Variants in KCTD1 observed in about 807,000 individuals in gnomAD.
KCTD1 encodes the protein potassium channel tetramerization domain containing 1, also known as BTB/POZ domain-containing protein KCTD1.
Under a neutral mutation model 66.0 loss-of-function variants are expected in KCTD1, and 24 were observed. That is an observed-to-expected ratio of 0.36 (90% CI 0.26 to 0.51). The LOEUF (loss-of-function observed/expected upper bound fraction) is 0.51, where lower values mean the gene tolerates loss of function less well. Ranked by LOEUF, KCTD1 falls within the 20% of genes least tolerant of loss-of-function variation. KCTD1 has a pLI of 0.95. For synonymous variants in KCTD1, 511 were observed against 517.2 expected, an observed-to-expected ratio of 0.99 and a Z score of 0.16; for missense variants, 943 against 1,205.2, an observed-to-expected ratio of 0.78 and a Z score of 3.22.
At chr18:26,591,116 C>T (rs1986592337) in intron 1 of KCTD1, among the ~76,000 whole-genome samples, 1 of 152,038 alleles carries the variant, frequency 6.6e-6, no homozygotes, top group African/African-American at 2.4e-5. Context: ...AGCTTGAACT[C>T]CTGGCCTCAA....
At position 26,636,738 on chromosome 18, in the gene KCTD1, C is replaced by T. The variant is rs1050954255; in HGVS notation, c.-107+3573G>A. On this transcript the variant is annotated intron_variant, in intron 1 of 5. Coordinates refer to the KCTD1 transcript ENST00000579973. Reference sequence around the variant, plus strand: ...CACCTCTTCCAGGAGGGCAGCCTGGCGAGCGGCTTGAGCTGCCAGAATGGT... The same window carrying T: ...CACCTCTTCCAGGAGGGCAGCCTGGTGAGCGGCTTGAGCTGCCAGAATGGT... Among the ~76,000 whole-genome samples the T allele has an allele frequency of 3.3e-5, 5 of 152,308 alleles. No homozygotes were observed. In the East Asian group the frequency reaches 5.8e-4, roughly 18 times the overall value.
At chr18:26,599,447 G>T in intron 1 of KCTD1, 1 of 1,611,848 alleles carries the variant, frequency 6.2e-7, no homozygotes, top group Non-Finnish European at 8.5e-7. Flanking sequence ...TTGTGGCAGT[G>T]GTCTGGGATA....
At chr18:26,558,039 G>C (rs1985749651) in intron 1 of KCTD1, among the ~76,000 whole-genome samples, 1 of 152,244 alleles carries the variant, frequency 6.6e-6, no homozygotes, top group Non-Finnish European at 1.5e-5. Context: ...ACTCCAGAGA[G>C]TTCTGGAGAG....
chr18:26,475,094 A>C (rs927010452), intron 3 of KCTD1, among the ~76,000 whole-genome samples: 3 of 152,094 alleles, frequency 2.0e-5, no homozygotes, highest in African/African-American at 7.2e-5. Flanking sequence ...ATTCTTCTCC[A>C]TTGATTTGTA....
intron 1 of KCTD1, among the ~76,000 whole-genome samples, chr18:26,618,583 C>T (rs1043751214): frequency 1.3e-5 from 2 of 152,150 alleles, no homozygotes; most frequent in African/African-American, 4.8e-5. Flanking sequence ...GACCTTAAGG[C>T]AAGACTGTTT....
chr18:26,578,120 G>A (rs1370141975), intron 1 of KCTD1, among the ~76,000 whole-genome samples: 9 of 137,662 alleles, frequency 6.5e-5, no homozygotes, highest in South Asian at 2.3e-4. Context: ...GCAGTGCTCC[G>A]ATCTCGGCTC....
intron 1 of KCTD1, among the ~76,000 whole-genome samples, chr18:26,574,896 AC>A (rs1986189442): frequency 6.6e-6 from 1 of 152,252 alleles, no homozygotes; most frequent in African/African-American, 2.4e-5. Context: ...AGGACAAGCA[AC>A]CCTCAATTAT....
At chr18:26,505,239 C>T (rs1053745216) in intron 1 of KCTD1, among the ~76,000 whole-genome samples, 5 of 152,378 alleles carry the variant, frequency 3.3e-5, no homozygotes, top group East Asian at 3.9e-4. Context: ...CGTTCATCAT[C>T]GTCCTCAACT....
intron 1 of KCTD1, among the ~76,000 whole-genome samples, chr18:26,577,981 C>T (rs1041945526): frequency 6.6e-6 from 1 of 151,806 alleles, no homozygotes; most frequent in Non-Finnish European, 1.5e-5. Flanking sequence ...ATGATTATTT[C>T]TGGGCCATCA....
rs201880718 is a variant in KCTD1, at chr18:26,455,836, C to G, written c.2505G>C (p.Ser835=). ...GAAGGACGTATTCGCTGAACTGGGA[C>G]GAGTCTACTCCTCCCCCACAGGAGC... ...IVGSCGGGVD[S]SQFSEYVLRR... is the part of the protein sequence containing the mutation. The change falls in exon 5 of 5, where the codon TCG becomes TCC. Residue 835 remains serine, a synonymous_variant. Coordinates refer to ENST00000580059, the MANE Select transcript of KCTD1 (RefSeq NM_001142730.3). The G allele has an allele frequency of 2.8e-4, 460 of 1,614,132 alleles. 2 individuals are homozygous for G. Among genetic ancestry groups the G allele is most frequent in the Non-Finnish European group, 3.6e-4 (430 of 1,179,976 alleles).
At chr18:26,530,171 C>T (rs1021224960) in intron 1 of KCTD1, among the ~76,000 whole-genome samples, 32 of 152,314 alleles carry the variant, frequency 2.1e-4, no homozygotes, top group Admixed American at 6.5e-4. Flanking sequence ...CTTTTCTCTA[C>T]ACCCAAATTT....
chr18:26,570,030 G>C lies in KCTD1; in HGVS notation c.-16+59117C>G, dbSNP rs1025821897. On this transcript the variant is annotated intron_variant, in intron 1 of 4. Transcript: ENST00000317932. ...GGTGAAACCCTGTCTCTACTAAAAA[G>C]ACAAAATTAGCTGGGCATGGTGGCA... Among the ~76,000 whole-genome samples, 6 of 151,794 alleles carry C rather than the reference G, an allele frequency of 4.0e-5. No individual in the cohort carries two copies. The East Asian group carries it at 1.2e-3, about 29-fold the overall frequency.
chr18:26,506,357 G>A (rs1048253701), intron 1 of KCTD1, among the ~76,000 whole-genome samples: 3 of 152,184 alleles, frequency 2.0e-5, no homozygotes, highest in African/African-American at 7.2e-5. Context: ...TATGGCAGCT[G>A]ATGGAGAGGA....
intron 1 of KCTD1, among the ~76,000 whole-genome samples, chr18:26,509,224 G>A (rs1301804021): frequency 6.6e-6 from 1 of 151,162 alleles, no homozygotes; most frequent in Non-Finnish European, 1.5e-5. Context: ...AATTTATTTA[G>A]AGAACAGTTT....
At chr18:26,606,489 G>A (rs1045286792) in intron 1 of KCTD1, among the ~76,000 whole-genome samples, 3 of 152,198 alleles carry the variant, frequency 2.0e-5, no homozygotes, top group East Asian at 3.8e-4. Flanking sequence ...GGCTGGCCTC[G>A]TGACTTGCTG....
chr18:26,473,717 T>C (rs1981194852), intron 3 of KCTD1, among the ~76,000 whole-genome samples: 1 of 152,128 alleles, frequency 6.6e-6, no homozygotes, highest in Non-Finnish European at 1.5e-5. Flanking sequence ...CTTCAAACCC[T>C]GGAATCAAGC....
intron 1 of KCTD1, among the ~76,000 whole-genome samples, chr18:26,506,936 C>T (rs1267379973): frequency 2.0e-5 from 3 of 152,170 alleles, no homozygotes; most frequent in Middle Eastern, 3.2e-3. Flanking sequence ...GAGGCCGAGG[C>T]GGGCAGATCA....
chr18:26,643,819 G>T (rs189882728), upstream of KCTD1, among the ~76,000 whole-genome samples: 32 of 152,210 alleles, frequency 2.1e-4, no homozygotes, highest in Admixed American at 1.9e-3. Flanking sequence ...AAAATTAGCC[G>T]GGCTTGGTGG....
chr18:26,514,958 T>C (rs1485071646), intron 1 of KCTD1, among the ~76,000 whole-genome samples: 4 of 152,328 alleles, frequency 2.6e-5, no homozygotes, highest in South Asian at 4.1e-4. Context: ...GAAGCAGGCA[T>C]TTGAATGAGC....
Sources: allele counts gnomAD v4.1 joint callset (sites outside exome capture counted in the v4.1 genomes callset), GRCh38; gene constraint gnomAD v4.1.1; transcripts MANE v1.5; gene names NCBI Gene and HGNC (gene_info 2026-07-23, HGNC 2026-07-21).